TTC3: variants seen among roughly 807,000 people sequenced by gnomAD.
TTC3 encodes E3 ubiquitin-protein ligase TTC3.
In TTC3, 180 loss-of-function variants were observed where a neutral mutation model predicts 249.6. The ratio of observed to expected loss-of-function variants is 0.72; its 90% CI spans 0.64 to 0.82. The LOEUF is 0.82. TTC3 is among the 40% of genes least tolerant of loss of function. The pLI is 0.00. For missense variants in TTC3, 2,061 were observed against 2,398.4 expected, an observed-to-expected ratio of 0.86 and a Z score of 2.94; for synonymous variants, 717 against 805.0, an observed-to-expected ratio of 0.89 and a Z score of 1.85.
At chr21:37,127,135 G>A (rs933740468) in intron 15 of TTC3, among the ~76,000 whole-genome samples, 1 of 152,192 alleles carries the variant, frequency 6.6e-6, no homozygotes, top group African/African-American at 2.4e-5. Flanking sequence ...GATTGCAGGT[G>A]TGTGCCACCA....
At chr21:37,096,588 A>C in exon 10 of TTC3, 1 of 1,611,410 alleles carries the variant, frequency 6.2e-7, no homozygotes, top group Non-Finnish European at 8.5e-7. Context: ...AAGACCTGAA[A>C]ACTACCTTCT....
chr21:37,091,600 G>A, intron 7 of TTC3, 187 bp downstream of exon 7: 1 of 119,834 alleles, frequency 8.3e-6, no homozygotes, highest in Non-Finnish European at 1.5e-5. Flanking sequence ...TATTTATTTT[G>A]AGGCAGATTC....
chr21:37,113,363 G>A (rs2075842198), intron 11 of TTC3, among the ~76,000 whole-genome samples: 1 of 152,128 alleles, frequency 6.6e-6, no homozygotes, highest in African/African-American at 2.4e-5. Context: ...AAATCAATGT[G>A]CAAAAATCAC....
intron 31 of TTC3, 126 bp from the exon 32 acceptor site, chr21:37,163,925 G>T: frequency 9.8e-7 from 1 of 1,022,224 alleles, no homozygotes. Flanking sequence ...CTATTTTTTT[G>T]CAACATAGAG....
At chr21:37,094,005 A>G (rs761911935) in exon 8 of TTC3, 4 of 1,589,780 alleles carry the variant, frequency 2.5e-6, no homozygotes, top group South Asian at 1.1e-5. Context: ...TAAAATTTAG[A>G]CAAGTACCAC....
chr21:37,093,096 C>A (rs190009786), intron 7 of TTC3, among the ~76,000 whole-genome samples: 2 of 151,988 alleles, frequency 1.3e-5, no homozygotes, highest in Non-Finnish European at 2.9e-5. Context: ...AGGAAATGCT[C>A]GCTGGGCGCG....
chr21:37,184,893 C>A (rs1178014177), intron 36 of TTC3, among the ~76,000 whole-genome samples: 1 of 152,082 alleles, frequency 6.6e-6, no homozygotes, highest in African/African-American at 2.4e-5. Flanking sequence ...AAAATGATTT[C>A]TTGGATGTTT....
chr21:37,083,238 G>C, intron 1 of TTC3: 1 of 985,460 alleles, frequency 1.0e-6, no homozygotes, highest in Non-Finnish European at 1.2e-6. Context: ...AGTTGGGTAT[G>C]ACTGGCTTCT....
intron 1 of TTC3, among the ~76,000 whole-genome samples, chr21:37,081,395 C>T (rs62223589): frequency 0.46 from 69,232 of 151,910 alleles, 16,310 homozygotes; most frequent in Non-Finnish European, 0.52. Context: ...GGATTACAGG[C>T]GTGAGCCACT....
intron 44 of TTC3, among the ~76,000 whole-genome samples, chr21:37,200,000 G>GT (rs2085332533): frequency 6.6e-6 from 1 of 152,118 alleles, no homozygotes; most frequent in South Asian, 2.1e-4. Flanking sequence ...ACATAAAACA[G>GT]TTTTTTCTCT....
chr21:37,124,246 G>A (rs1314903668), intron 13 of TTC3, among the ~76,000 whole-genome samples: 3 of 146,994 alleles, frequency 2.0e-5, no homozygotes, highest in Non-Finnish European at 3.0e-5. Context: ...CTCCCCAGTC[G>A]CTGGGATTAC....
chr21:37,155,586 G>A (rs937850944), intron 27 of TTC3, among the ~76,000 whole-genome samples: 7 of 152,190 alleles, frequency 4.6e-5, no homozygotes, highest in East Asian at 3.8e-4. Flanking sequence ...TTGACTCTGA[G>A]CAATCTCTGC....
Position 37,150,890 on chromosome 21 carries a change from A to G in TTC3, c.2276+6A>G. The G allele has an allele frequency of 6.3e-7, 1 of 1,585,154 alleles. No individual in the cohort carries two copies. Among genetic ancestry groups the G allele is most frequent in the Non-Finnish European group, 8.6e-7 (1 of 1,157,836 alleles). Reference sequence around the variant, plus strand: ...CTGAAACAGAAATGTTCTAGGTAAGATTTTTAACAATCAATCAGTGGTTTG... The same window carrying G: ...CTGAAACAGAAATGTTCTAGGTAAGGTTTTTAACAATCAATCAGTGGTTTG... On this transcript the variant is annotated splice_donor_region_variant and intron_variant, in intron 25 of 45. Coordinates refer to ENST00000355666, the Ensembl canonical transcript of TTC3.
At chr21:37,096,691 C>G (rs373285519) in intron 10 of TTC3, 48 bp downstream of exon 10, 1 of 1,419,482 alleles carries the variant, frequency 7.0e-7, no homozygotes. Context: ...TGCTAAATAC[C>G]CATTTTTGGG....
chr21:37,148,679 A>G (rs2079189776), intron 23 of TTC3, 32 bp downstream of exon 23: 2 of 1,457,100 alleles, frequency 1.4e-6, no homozygotes, highest in Non-Finnish European at 1.9e-6. Flanking sequence ...TGAATTTTTC[A>G]GTATACTTAT....
At chr21:37,085,371 T>C (rs2835578) in intron 1 of TTC3, among the ~76,000 whole-genome samples, 69,050 of 152,074 alleles carry the variant, frequency 0.45, 16,234 homozygotes, top group Non-Finnish European at 0.52. Context: ...CTAGACATTA[T>C]AGATAACCAG....
In TTC3 at chr21:37,195,759, G is replaced by A. The variant is rs769899011; in HGVS notation, c.5302G>A (p.Ala1768Thr). 12 of 1,614,184 alleles carry A rather than the reference G, an allele frequency of 7.4e-6. No homozygotes were observed. The highest frequency in any genetic ancestry group is 1.3e-5 in the African/African-American group (1 of 75,050). Residue 1768 changes from alanine to threonine, a missense_variant, in exon 42 of 46, where the codon GCA becomes ACA. Physicochemically the swap from Ala to Thr is moderately conservative, Grantham distance 58 (BLOSUM62 0). This residue lies in a region of TTC3 where 1,040 missense variants were observed against 1,186.1 expected (regional missense o/e 0.88). Transcript: ENST00000355666. ...TGCAAGCGACGTGACTGGAAACCAC[G>A]CAGCACTTCACAGGGATCCTAGTGT...
chr21:37,141,118 A>C (rs2078403506), intron 20 of TTC3, among the ~76,000 whole-genome samples: 1 of 152,182 alleles, frequency 6.6e-6, no homozygotes, highest in Admixed American at 6.5e-5. Context: ...CTGTCCTCTG[A>C]ACTCTATTGT....
chr21:37,202,303 C>A (rs942798469), exon 46 of TTC3: 37 of 152,198 alleles, frequency 2.4e-4, no homozygotes, highest in African/African-American at 8.2e-4. Context: ...AGACTTTTTC[C>A]CCCTGGAATC....
Sources: gnomAD v4.1 joint callset for allele counts (sites outside exome capture counted in the v4.1 genomes callset) on GRCh38, gnomAD v4.1.1 for gene constraint, gnomAD v4.1.1 regional missense constraint, MANE v1.5 for transcripts, NCBI Gene and HGNC (gene_info 2026-07-23, HGNC 2026-07-21) for gene names.